SEC11A: variants seen among roughly 807,000 people sequenced by gnomAD.
SEC11A encodes the protein SEC11 homolog A, signal peptidase complex subunit.
A neutral mutation model predicts 25.6 loss-of-function variants in SEC11A; 14 were observed. The observed-to-expected ratio is 0.55, with a 90% CI of 0.36 to 0.85. The LOEUF (loss-of-function observed/expected upper bound fraction) is 0.85. Ranked by LOEUF, SEC11A falls within the 40% of genes least tolerant of loss-of-function variation. SEC11A has a pLI of 0.01. For synonymous variants in SEC11A, 83 were observed against 76.4 expected (o/e 1.09, Z -0.45); for missense variants, 153 against 222.9 (o/e 0.69, Z 2.00).
intron 1 of SEC11A, among the ~76,000 whole-genome samples, chr15:84,714,541 T>C (rs1266466956): frequency 6.6e-6 from 1 of 152,216 alleles, no homozygotes; most frequent in African/African-American, 2.4e-5. Context: ...CATATCTTTT[T>C]ACAACAATAA....
intron 1 of SEC11A, 78 bp from the exon 2 acceptor site, chr15:84,691,722 A>T: frequency 1.2e-6 from 1 of 803,830 alleles, no homozygotes; most frequent in Non-Finnish European, 2.1e-6. Flanking sequence ...TAACAATTTG[A>T]AAGTTTCAAG....
intron 2 of SEC11A, among the ~76,000 whole-genome samples, chr15:84,691,272 C>T (rs1396742031): frequency 3.3e-5 from 5 of 151,910 alleles, no homozygotes; most frequent in East Asian, 1.9e-4. Flanking sequence ...CAGGGTTTCA[C>T]CACGTTGCCC....
At chr15:84,670,325 C>G (rs889940487) in intron 5 of SEC11A, 1 of 327,110 alleles carries the variant, frequency 3.1e-6, no homozygotes, top group Non-Finnish European at 5.7e-6. Context: ...CAACCTCCAC[C>G]TATCATATTC....
At chr15:84,696,549 A>G (rs978597521) in intron 1 of SEC11A, among the ~76,000 whole-genome samples, 2 of 152,206 alleles carry the variant, frequency 1.3e-5, no homozygotes, top group African/African-American at 2.4e-5. Context: ...TCTACAATGT[A>G]TATAGCTCCA....
chr15:84,701,105 A>G (rs1897926642), intron 1 of SEC11A, among the ~76,000 whole-genome samples: 1 of 151,734 alleles, frequency 6.6e-6, no homozygotes, highest in South Asian at 2.1e-4. Context: ...CCTCAGAAGA[A>G]AAGTTTAGCA....
chr15:84,709,831 C>T (rs1898207820), intron 1 of SEC11A, among the ~76,000 whole-genome samples: 1 of 152,170 alleles, frequency 6.6e-6, no homozygotes, highest in Non-Finnish European at 1.5e-5. Context: ...CAACCTCCGC[C>T]TTCCAGGTTC....
intron 1 of SEC11A, among the ~76,000 whole-genome samples, chr15:84,706,751 T>G (rs1567043860): frequency 6.6e-6 from 1 of 152,248 alleles, no homozygotes; most frequent in Non-Finnish European, 1.5e-5. Flanking sequence ...AGTTTTGTAC[T>G]TTATCAACTT....
chr15:84,677,171 AC>A (rs1157650271), intron 4 of SEC11A, among the ~76,000 whole-genome samples: 1 of 152,190 alleles, frequency 6.6e-6, no homozygotes, highest in Non-Finnish European at 1.5e-5. Flanking sequence ...AGATTTGTGT[AC>A]ATCCTGACTT....
intron 4 of SEC11A, among the ~76,000 whole-genome samples, chr15:84,676,819 C>T (rs1897146807): frequency 6.6e-6 from 1 of 151,284 alleles, no homozygotes; most frequent in African/African-American, 2.4e-5. Context: ...AAGCCAGGCA[C>T]AGTGGCTCAC....
chr15:84,680,696 C>T lies in SEC11A; in HGVS notation c.431+17G>A, dbSNP rs1463533373. On this transcript the variant is annotated intron_variant, in intron 4 of 5. Transcript: ENST00000268220. ...CAAGTGATATAAAAAGTTTGAGATG[C>T]TCCCCTCTATACTTACCCCCTGGCT... The T allele has an allele frequency of 6.4e-7, 1 of 1,571,874 alleles. No homozygotes were observed.
At chr15:84,693,314 TA>T (rs1203522875) in intron 1 of SEC11A, among the ~76,000 whole-genome samples, 1 of 151,148 alleles carries the variant, frequency 6.6e-6, no homozygotes, top group African/African-American at 2.4e-5. Context: ...CATTCAGTTC[TA>T]ATAATGCACA....
Position 84,707,227 on chromosome 15 carries a change from C to T in SEC11A, c.51+8798G>A, listed in dbSNP as rs1018119980. Among the ~76,000 whole-genome samples, 5 of 145,192 alleles carry T rather than the reference C, an allele frequency of 3.4e-5. No individual in the cohort carries two copies. The East Asian group carries it at 8.0e-4, about 23-fold the overall frequency. On this transcript the variant is annotated intron_variant, in intron 1 of 5. Transcript: ENST00000268220. ...TTTGAGATGGAGTCTTGCTCTGTCG[C>T]CAGCCTGGAGTGCAGTGGCGCAATC...
At chr15:84,701,401 C>T (rs1199145274) in intron 1 of SEC11A, among the ~76,000 whole-genome samples, 5 of 151,584 alleles carry the variant, frequency 3.3e-5, no homozygotes, top group South Asian at 2.1e-4. Flanking sequence ...CTCACTGCAA[C>T]CTCCACCTCC....
At chr15:84,674,209 T>A (rs1447718954) in intron 4 of SEC11A, among the ~76,000 whole-genome samples, 1 of 150,174 alleles carries the variant, frequency 6.7e-6, no homozygotes, top group South Asian at 2.1e-4. Context: ...TTTCTACATT[T>A]TATATATATT....
chr15:84,694,829 C>T (rs777889267), intron 1 of SEC11A, among the ~76,000 whole-genome samples: 1 of 151,920 alleles, frequency 6.6e-6, no homozygotes, highest in African/African-American at 2.4e-5. Context: ...CAGTGGCTCA[C>T]GCCTGTAATC....
At chr15:84,673,884 G>C (rs1897066935) in intron 4 of SEC11A, 1 of 151,966 alleles carries the variant, frequency 6.6e-6, no homozygotes, top group Non-Finnish European at 1.5e-5. Context: ...ATGCCAGCCT[G>C]GCGACAGGGT....
chr15:84,670,475 G>A, intron 5 of SEC11A: 2 of 291,608 alleles, frequency 6.9e-6, no homozygotes, highest in Non-Finnish European at 1.3e-5. Context: ...CTGACCTCAG[G>A]TGATCTGCCT....
intron 4 of SEC11A, chr15:84,679,810 G>C: frequency 1.6e-6 from 1 of 644,696 alleles, no homozygotes; most frequent in Non-Finnish European, 2.6e-6. Flanking sequence ...GGTAATACTT[G>C]TAAAGCACTT....
intron 1 of SEC11A, among the ~76,000 whole-genome samples, chr15:84,698,987 C>T (rs534647211): frequency 1.3e-4 from 20 of 151,826 alleles, no homozygotes; most frequent in African/African-American, 4.9e-4. Context: ...AAGGAATTAA[C>T]TATTGACACA....
Sources: gnomAD v4.1 joint callset for allele counts (sites outside exome capture counted in the v4.1 genomes callset) on GRCh38, gnomAD v4.1.1 for gene constraint, MANE v1.5 for transcripts, NCBI Gene and HGNC (gene_info 2026-07-23, HGNC 2026-07-21) for gene names.